THSD7A: variants seen among roughly 807,000 people sequenced by gnomAD.
THSD7A encodes thrombospondin type-1 domain-containing protein 7A.
In THSD7A, 96 loss-of-function variants were observed where a neutral mutation model predicts 231.3. The observed-to-expected ratio is 0.41, with a 90% CI of 0.35 to 0.49. The LOEUF (loss-of-function observed/expected upper bound fraction) is 0.49. THSD7A is among the 20% of genes least tolerant of loss of function. The pLI, the probability that THSD7A is intolerant of heterozygous loss-of-function variation, is 0.05. For synonymous variants in THSD7A, 940 were observed against 743.3 expected, an observed-to-expected ratio of 1.26 and a Z score of -4.30; for missense variants, 2,290 against 2,070.2, an observed-to-expected ratio of 1.11 and a Z score of -2.06.
intron 1 of THSD7A, among the ~76,000 whole-genome samples, chr7:11,693,570 G>A (rs777767607): frequency 6.0e-4 from 91 of 151,590 alleles, no homozygotes; most frequent in Non-Finnish European, 3.3e-4. Context: ...AGGGTTAACC[G>A]TAAGTAGACA....
chr7:11,623,092 G>A (rs1445035500), intron 2 of THSD7A, among the ~76,000 whole-genome samples: 3 of 152,112 alleles, frequency 2.0e-5, no homozygotes, highest in African/African-American at 4.8e-5. Context: ...TACATTCATG[G>A]ACTATCTAAA....
intron 1 of THSD7A, among the ~76,000 whole-genome samples, chr7:11,645,551 C>G (rs1782248265): frequency 6.6e-6 from 1 of 151,664 alleles, no homozygotes; most frequent in South Asian, 2.1e-4. Context: ...TGTTATAAGG[C>G]AAACTTCTGA....
intron 1 of THSD7A, among the ~76,000 whole-genome samples, chr7:11,643,748 A>G (rs562957433): frequency 2.0e-5 from 3 of 152,064 alleles, no homozygotes; most frequent in African/African-American, 7.2e-5. Context: ...CTGATGTTCT[A>G]TCGCTGGATG....
At position 11,590,543 on chromosome 7, in the gene THSD7A, C is replaced by G; in HGVS notation, c.1370G>C (p.Gly457Ala). ...GTACACCTCTCGGGTCTGGATGCCC[C>G]CTCCACAGAGGGCCGTCTGGTTGCC... Reference protein sequence around the residue: ...RRGNQTALCGGGIQTREVYCV... With the variant: ...RRGNQTALCGAGIQTREVYCV... The change falls in exon 4 of 28, where the codon GGG becomes GCG. Residue 457 changes from glycine (G) to alanine (A), a missense_variant. Transcript: ENST00000423059. The surrounding 1 kb of genome is among the most constrained non-coding windows in gnomAD (Gnocchi z 4.4). The G allele has an allele frequency of 1.2e-6, 2 of 1,613,860 alleles. No individual in the cohort carries two copies. The highest frequency in any genetic ancestry group is 1.7e-6 in the Non-Finnish European group (2 of 1,179,834).
chr7:11,801,428 A>T (rs1434658155), intron 1 of THSD7A, among the ~76,000 whole-genome samples: 1 of 152,152 alleles, frequency 6.6e-6, no homozygotes, highest in Admixed American at 6.6e-5. Flanking sequence ...CGAAGTATGG[A>T]TAAGTGAATT....
intron 1 of THSD7A, among the ~76,000 whole-genome samples, chr7:11,741,943 T>C (rs962677502): frequency 6.6e-6 from 1 of 151,904 alleles, no homozygotes; most frequent in African/African-American, 2.4e-5. Context: ...AGTGCTGACA[T>C]GGTCACTTTT....
chr7:11,650,787 G>A (rs939977744), intron 1 of THSD7A, among the ~76,000 whole-genome samples: 1 of 151,674 alleles, frequency 6.6e-6, no homozygotes, highest in Non-Finnish European at 1.5e-5. Flanking sequence ...ATCACACAAT[G>A]AGCTTGTGGT....
Position 11,596,943 on chromosome 7 carries a change from A to G in THSD7A, c.1023-3441T>C, listed in dbSNP as rs147944905. Among the ~76,000 whole-genome samples the G allele has an allele frequency of 1.3e-4, 20 of 152,278 alleles. No homozygotes were observed. The East Asian group carries it at 3.7e-3, about 28-fold the overall frequency. ...CTTCAGCTGGCAAGGCCAGCAGTAT[A>G]CCTTTACTGTCCTACCTCAGGGGTA... On this transcript the variant is annotated intron_variant, in intron 2 of 27. Coordinates refer to ENST00000423059, the MANE Select transcript of THSD7A (RefSeq NM_015204.3).
intron 1 of THSD7A, among the ~76,000 whole-genome samples, chr7:11,725,465 G>C (rs1466137852): frequency 6.6e-6 from 1 of 151,926 alleles, no homozygotes; most frequent in African/African-American, 2.4e-5. Context: ...GAATGGTAGT[G>C]AATCTGCTAA....
intron 1 of THSD7A, among the ~76,000 whole-genome samples, chr7:11,645,094 C>T (rs1376790985): frequency 4.6e-5 from 7 of 151,864 alleles, no homozygotes; most frequent in Admixed American, 4.6e-4. Flanking sequence ...TATCACTACA[C>T]CTTGATCAGC....
chr7:11,443,137 C>T (rs1784857115), intron 13 of THSD7A, among the ~76,000 whole-genome samples: 1 of 151,966 alleles, frequency 6.6e-6, no homozygotes, highest in Non-Finnish European at 1.5e-5. Flanking sequence ...ATCTAATTAA[C>T]AAATCAAGGC....
chr7:11,424,810 C>T lies in THSD7A; in HGVS notation c.3269G>A (p.Cys1090Tyr). ...TAGGTACTGGTTGCAGTCACTGTGG[C>T]ATGGGACAACCTCATACACCTGAAA... is the stretch of plus-strand genomic sequence containing the variant. ...NQAQVYEVVP[C>Y]HSDCNQYLWV... Residue 1090 changes from cysteine (C) to tyrosine (Y), a missense_variant, in exon 16 of 28, where the codon TGC (cysteine) becomes TAC (tyrosine). Physicochemically the swap from Cys to Tyr is radical, Grantham distance 194 (BLOSUM62 -2). Transcript: ENST00000423059. The T allele has an allele frequency of 6.2e-7, 1 of 1,614,010 alleles. No homozygotes were observed. Among genetic ancestry groups the T allele is most frequent in the Non-Finnish European group, 8.5e-7 (1 of 1,179,878 alleles).
intron 1 of THSD7A, among the ~76,000 whole-genome samples, chr7:11,703,372 C>A (rs2128145620): frequency 6.6e-6 from 1 of 151,332 alleles, no homozygotes; most frequent in South Asian, 2.1e-4. Context: ...GTTTGGGAAT[C>A]TGAGGATCAG....
Position 11,370,401 on chromosome 7 carries a change from C to G in THSD7A, c.*5393G>C, listed in dbSNP as rs1443501022. 1 of 152,122 alleles carries G rather than the reference C, an allele frequency of 6.6e-6. No homozygotes were observed. Among genetic ancestry groups the G allele is most frequent in the Non-Finnish European group, 1.5e-5 (1 of 68,020 alleles). 9.4% of individuals were successfully genotyped at this position (152,122 alleles called of 1,614,324 possible). A position where few individuals can be genotyped will look rare whatever the true frequency, so the allele number is the denominator to read the frequency against. ...AAAATTTTAATCCATATTTAAGAAG[C>G]AATTGGTGCAAATCAAAACACAGAT... On this transcript the variant is annotated 3_prime_UTR_variant, in exon 28 of 28. Coordinates refer to ENST00000423059, the MANE Select transcript of THSD7A (RefSeq NM_015204.3).
chr7:11,674,093 T>C (rs1783532889), intron 1 of THSD7A, among the ~76,000 whole-genome samples: 1 of 151,780 alleles, frequency 6.6e-6, no homozygotes, highest in South Asian at 2.1e-4. Context: ...GGTTCCCTGG[T>C]GTTCTAACCC....
At chr7:11,702,765 C>T (rs1780645081) in intron 1 of THSD7A, among the ~76,000 whole-genome samples, 1 of 151,042 alleles carries the variant, frequency 6.6e-6, no homozygotes, top group South Asian at 2.1e-4. Flanking sequence ...AATATGAGTA[C>T]CTATCTTTGT....
chr7:11,642,168 G>T (rs1016436005), intron 1 of THSD7A, among the ~76,000 whole-genome samples: 2 of 152,170 alleles, frequency 1.3e-5, no homozygotes, highest in Non-Finnish European at 2.9e-5. Flanking sequence ...ATGTGACAGT[G>T]TGCAGCAAAT....
intron 18 of THSD7A, 36 bp downstream of exon 18, chr7:11,412,620 G>GGACTT (rs1405881109): frequency 1.9e-6 from 3 of 1,611,680 alleles, no homozygotes; most frequent in Non-Finnish European, 2.5e-6. Context: ...CACAGGATTT[G>GGACTT]GACTTAACTC....
chr7:11,407,219 ATTAT>A, intron 20 of THSD7A, 83 bp downstream of exon 20: 1 of 1,426,448 alleles, frequency 7.0e-7, no homozygotes, highest in Non-Finnish European at 9.7e-7. Context: ...CTTTCTGAAG[ATTAT>A]TTGATATGGG....
Sources: gnomAD v4.1 joint callset for allele counts (sites outside exome capture counted in the v4.1 genomes callset) on GRCh38, gnomAD v4.1.1 for gene constraint, Gnocchi (gnomAD v3.1) non-coding constraint, MANE v1.5 for transcripts, NCBI Gene and HGNC (gene_info 2026-07-23, HGNC 2026-07-21) for gene names.